The following CDH12 variants were observed in gnomAD, a reference collection of about 807,000 sequenced individuals.
CDH12 encodes cadherin 12, also known as cadherin-12.
Under a neutral mutation model 74.1 loss-of-function variants are expected in CDH12, and 41 were observed. That is an observed-to-expected ratio of 0.55 (90% CI 0.43 to 0.72). The LOEUF is 0.72. Among genes scored for constraint, CDH12 ranks in the 30% least tolerant of loss-of-function variants. The pLI, the probability that CDH12 is intolerant of heterozygous loss-of-function variation, is 0.00. For missense variants in CDH12, 945 were observed against 977.2 expected, an observed-to-expected ratio of 0.97 and a Z score of 0.44; for synonymous variants, 399 against 355.0, an observed-to-expected ratio of 1.12 and a Z score of -1.39.
At position 22,451,261 on chromosome 5, in the gene CDH12, G is replaced by A. The variant is rs1028048610; in HGVS notation, c.-427-45910C>T. On this transcript the variant is annotated intron_variant, in intron 2 of 14. Transcript: ENST00000382254. ...GTGATCAAATGAATGAATGATAAATGATTTAATAAAATTTAAATTTTAAGT... is the reference window on the plus strand; with the variant it reads ...GTGATCAAATGAATGAATGATAAATAATTTAATAAAATTTAAATTTTAAGT... 4.0e-5 allele frequency among the ~76,000 whole-genome samples: 6 copies of A among 151,872 alleles called. No homozygotes were observed. In the South Asian group the frequency reaches 1.2e-3, roughly 32 times the overall value.
intron 4 of CDH12, among the ~76,000 whole-genome samples, chr5:22,208,083 A>G (rs1018790575): frequency 4.6e-5 from 7 of 152,210 alleles, no homozygotes; most frequent in Admixed American, 2.6e-4. Flanking sequence ...CCACAGAGCT[A>G]GAAAATGCCC....
At chr5:22,837,552 C>T (rs1054515008) in intron 1 of CDH12, among the ~76,000 whole-genome samples, 5 of 152,054 alleles carry the variant, frequency 3.3e-5, no homozygotes, top group Non-Finnish European at 5.9e-5. Context: ...TGTCAAAACA[C>T]CAATAGGTTG....
chr5:22,092,970 A>T (rs919240074), intron 4 of CDH12, among the ~76,000 whole-genome samples: 1 of 152,170 alleles, frequency 6.6e-6, no homozygotes, highest in Non-Finnish European at 1.5e-5. Context: ...TTAACACACA[A>T]CAAGCTTTAG....
At chr5:22,553,514 A>G (rs917667293) in intron 1 of CDH12, among the ~76,000 whole-genome samples, 1 of 152,158 alleles carries the variant, frequency 6.6e-6, no homozygotes, top group African/African-American at 2.4e-5. Flanking sequence ...AAGAAACCAC[A>G]TCATTTATAT....
At chr5:22,623,606 A>T (rs1738103498) in intron 1 of CDH12, among the ~76,000 whole-genome samples, 1 of 152,186 alleles carries the variant, frequency 6.6e-6, no homozygotes, top group Non-Finnish European at 1.5e-5. Context: ...CCAACTTACA[A>T]GGGACATGAA....
chr5:22,637,680 T>C (rs1175557600), intron 1 of CDH12, among the ~76,000 whole-genome samples: 2 of 152,240 alleles, frequency 1.3e-5, no homozygotes, highest in Non-Finnish European at 2.9e-5. Context: ...AACTGGTGTG[T>C]TTTCCTTCAT....
chr5:21,953,202 CAG>C (rs979512314), intron 6 of CDH12, among the ~76,000 whole-genome samples: 9 of 152,172 alleles, frequency 5.9e-5, no homozygotes, highest in African/African-American at 2.2e-4. Context: ...TATCTGAACT[CAG>C]GCATTCCTTT....
chr5:21,806,060 C>T (rs1747410043), intron 9 of CDH12, among the ~76,000 whole-genome samples: 1 of 152,014 alleles, frequency 6.6e-6, no homozygotes, highest in Non-Finnish European at 1.5e-5. Context: ...GTAAGAACCA[C>T]AACTATAGAG....
intron 5 of CDH12, among the ~76,000 whole-genome samples, chr5:21,991,732 T>C (rs1226861082): frequency 6.6e-6 from 1 of 151,410 alleles, no homozygotes; most frequent in Non-Finnish European, 1.5e-5. Flanking sequence ...CTTACCGAAG[T>C]CTTTTATTTC....
At chr5:22,598,854 T>C (rs1253124925) in intron 1 of CDH12, among the ~76,000 whole-genome samples, 6 of 152,174 alleles carry the variant, frequency 3.9e-5, no homozygotes. Flanking sequence ...CCCCTCCTTG[T>C]ATCTCCCAAA....
intron 3 of CDH12, among the ~76,000 whole-genome samples, chr5:22,245,775 A>C (rs1405108394): frequency 6.6e-6 from 1 of 152,144 alleles, no homozygotes; most frequent in East Asian, 1.9e-4. Context: ...CCTCAGTTAC[A>C]CATATGCATT....
intron 1 of CDH12, among the ~76,000 whole-genome samples, chr5:22,571,577 T>C (rs1739542171): frequency 6.6e-6 from 1 of 152,230 alleles, no homozygotes; most frequent in Non-Finnish European, 1.5e-5. Context: ...TCCACCCGCC[T>C]TGGCCTCCCA....
At position 22,482,053 on chromosome 5, in the gene CDH12, T is replaced by C. The variant is rs567839101; in HGVS notation, c.-428+23217A>G. 2.6e-5 allele frequency among the ~76,000 whole-genome samples: 4 copies of C among 152,302 alleles called. No individual in the cohort carries two copies. In the East Asian group the frequency reaches 7.7e-4, roughly 29 times the overall value. On this transcript the variant is annotated intron_variant, in intron 2 of 14. Transcript: ENST00000382254. ...CTGAAGGCAAAAGAAAGAAAATCAATGAAGTCCATGTAAACTTTCAAAACA... is the reference window on the plus strand; with the variant it reads ...CTGAAGGCAAAAGAAAGAAAATCAACGAAGTCCATGTAAACTTTCAAAACA...
At chr5:21,901,722 C>A (rs143756864) in intron 6 of CDH12, among the ~76,000 whole-genome samples, 32 of 152,242 alleles carry the variant, frequency 2.1e-4, no homozygotes, top group African/African-American at 7.7e-4. Context: ...CCACTTTGAA[C>A]TCCCAAGCAA....
At chr5:21,833,041 A>G (rs1749177169) in intron 8 of CDH12, among the ~76,000 whole-genome samples, 1 of 57,392 alleles carries the variant, frequency 1.7e-5, no homozygotes. Context: ...TATATAATAT[A>G]TAATATATAT....
At chr5:21,953,864 A>G (rs1441803868) in intron 6 of CDH12, among the ~76,000 whole-genome samples, 1 of 152,104 alleles carries the variant, frequency 6.6e-6, no homozygotes, top group Non-Finnish European at 1.5e-5. Flanking sequence ...AAAAAAAATT[A>G]GGCCTTACAG....
chr5:22,225,830 C>T (rs1255962420), intron 3 of CDH12, among the ~76,000 whole-genome samples: 3 of 152,062 alleles, frequency 2.0e-5, no homozygotes, highest in African/African-American at 7.2e-5. Context: ...TTTAAGAAAA[C>T]TTTCTGGAAA....
Position 22,537,370 on chromosome 5 carries a change from G to T in CDH12, c.-522-32006C>A, listed in dbSNP as rs544144776. ...ACAATATGTTTATGAAGTCTTAAAG[G>T]AATTTAATACAGTAGTATTGACAGA... On this transcript the variant is annotated intron_variant, in intron 1 of 14. Transcript: ENST00000382254. 4.6e-5 allele frequency among the ~76,000 whole-genome samples: 7 copies of T among 152,270 alleles called. 1 individual carries two copies. The South Asian group carries it at 1.5e-3, about 32-fold the overall frequency.
At chr5:22,389,274 A>C (rs1186201943) in intron 3 of CDH12, among the ~76,000 whole-genome samples, 3 of 152,194 alleles carry the variant, frequency 2.0e-5, no homozygotes, top group African/African-American at 7.2e-5. Flanking sequence ...TATGACCTTA[A>C]CAATACCACC....
Sources: gnomAD v4.1 joint callset for allele counts (sites outside exome capture counted in the v4.1 genomes callset) on GRCh38, gnomAD v4.1.1 for gene constraint, MANE v1.5 for transcripts, NCBI Gene and HGNC (gene_info 2026-07-23, HGNC 2026-07-21) for gene names.